Variants in HMCN2 observed in about 807,000 individuals in gnomAD.
HMCN2 encodes hemicentin 2.
HMCN2 carries 325 observed loss-of-function variants against 377.5 expected under a neutral mutation model. That is an observed-to-expected ratio of 0.86 (90% CI 0.79 to 0.94). HMCN2 has a LOEUF of 0.94. Ranked by LOEUF, HMCN2 falls within the 40% of genes least tolerant of loss-of-function variation. The pLI is 0.00. For synonymous variants in HMCN2, 2,007 were observed against 2,046.8 expected (o/e 0.98, Z 0.53); for missense variants, 4,543 against 4,725.3 (o/e 0.96, Z 1.13).
At chr9:130,312,549 T>TTTCTTTCTTTCTTTCTTTCTTTCTTTCC (rs1837312877) in intron 15 of HMCN2, among the ~76,000 whole-genome samples, 1 of 8,218 alleles carries the variant, frequency 1.2e-4, no homozygotes, top group African/African-American at 3.3e-4. Context: ...CCTTTCTTTC[T>TTTCTTTCTTTCTTTCTTTCTTTCTTTCC]TTCTTTCTTT....
In HMCN2 at chr9:130,425,092, G is replaced by T. The variant is rs2131813414; in HGVS notation, c.13603G>T (p.Val4535Phe). Residue 4535 changes from valine to phenylalanine, a missense_variant, in exon 89 of 98, where the codon GTC becomes TTC. Physicochemically the swap from Val to Phe is conservative, Grantham distance 50 (BLOSUM62 -1). Around this residue, in one of 5 missense-constraint regions of HMCN2, gnomAD observed 1,155 missense variants for 1,157.7 expected, o/e 1.00. Coordinates refer to ENST00000683500, the MANE Select transcript of HMCN2 (RefSeq NM_001291815.2). ...CCTCGACGTGGTGGTCAATGGCGTT[G>T]TCCCCGAGAGCCTGGCTGACGCAGA... ...LLLDVVVNGV[V>F]PESLADADLQ... 1.9e-6 allele frequency: 3 copies of T among 1,550,002 alleles called. No individual in the cohort carries two copies. The highest frequency in any genetic ancestry group is 1.7e-4 in the Middle Eastern group (1 of 5,988).
At chr9:130,359,902 T>G (rs73549576) in intron 37 of HMCN2, among the ~76,000 whole-genome samples, 4,140 of 152,250 alleles carry the variant, frequency 0.027, 52 homozygotes, top group Middle Eastern at 0.065. Flanking sequence ...TTGCCCCCTC[T>G]CGTGGGGATG....
chr9:130,351,662 G>C lies in HMCN2; in HGVS notation c.4585+85G>C, dbSNP rs2131525793. ...CTGCCCGCTGCCTTAGAGGGAGAGT[G>C]AGGGCTGAAATGGGGGACCTGGTGA... is the stretch of plus-strand genomic sequence containing the variant. On this transcript the variant is annotated intron_variant, in intron 30 of 97. Transcript: ENST00000683500. The surrounding 1 kb of genome is among the most constrained non-coding windows in gnomAD (Gnocchi z 5.4). 1 of 1,169,478 alleles carries C rather than the reference G, an allele frequency of 8.6e-7. No individual in the cohort carries two copies. Among genetic ancestry groups the C allele is most frequent in the African/African-American group, 1.6e-5 (1 of 62,936 alleles). 72.4% of individuals were successfully genotyped at this position (1,169,478 alleles called of 1,614,324 possible).
chr9:130,325,097 T>C (rs1838060536), intron 19 of HMCN2, among the ~76,000 whole-genome samples: 1 of 6,292 alleles, frequency 1.6e-4, no homozygotes, highest in African/African-American at 3.7e-4. Flanking sequence ...CTTCTTCTTC[T>C]TTTTTTTTTT....
At chr9:130,267,438 AC>A (rs1726937343) in intron 1 of HMCN2, among the ~76,000 whole-genome samples, 1 of 8,342 alleles carries the variant, frequency 1.2e-4, no homozygotes, top group Non-Finnish European at 2.9e-4. Context: ...CAAATAAAAC[AC>A]ACACACACAC....
Position 130,276,041 on chromosome 9 carries a change from CA to C in HMCN2, c.260-8561del, listed in dbSNP as rs1834675022. Reference sequence around the variant, plus strand: ...GGAGGGGTGCTAGAAAGAGATGGCCCAGGGTGCCTGCAGGGGGAGGACCAGA... The same window carrying C: ...GGAGGGGTGCTAGAAAGAGATGGCCCGGGTGCCTGCAGGGGGAGGACCAGA... On this transcript the variant is annotated intron_variant, in intron 1 of 97. Transcript: ENST00000683500. Among the ~76,000 whole-genome samples, 4 of 131,304 alleles carry C rather than the reference CA, an allele frequency of 3.0e-5. No homozygotes were observed. In the East Asian group the frequency reaches 9.8e-4, roughly 32 times the overall value. The allele number at this position is 131,304 out of a possible 152,430, so 86.1% of individuals were successfully genotyped here. A position where few individuals can be genotyped will look rare whatever the true frequency, so the allele number is the denominator to read the frequency against.
intron 56 of HMCN2, 97 bp from the exon 57 acceptor site, chr9:130,383,407 G>C: frequency 2.2e-6 from 1 of 455,752 alleles, no homozygotes; most frequent in Non-Finnish European, 2.9e-6. Flanking sequence ...CTGCTTCCCT[G>C]GCATGGGATG....
chr9:130,384,808 T>TGTCTGTCCCCAACTTGTACTGTCCCC lies in HMCN2; in HGVS notation c.9106+11_9106+36dup. 1 of 1,298,458 alleles carries TGTCTGTCCCCAACTTGTACTGTCCCC rather than the reference T, an allele frequency of 7.7e-7. No homozygotes were observed. The highest frequency in any genetic ancestry group is 1.0e-6 in the Non-Finnish European group (1 of 984,678). The allele number at this position is 1,298,458 out of a possible 1,614,324, so 80.4% of individuals were successfully genotyped here. A position where few individuals can be genotyped will look rare whatever the true frequency, so the allele number is the denominator to read the frequency against. On this transcript the variant is annotated intron_variant, in intron 59 of 97. Coordinates refer to ENST00000683500, the MANE Select transcript of HMCN2 (RefSeq NM_001291815.2). The stretch of plus-strand genomic sequence containing the variant: ...CAGCTCAGTGTTCTGGGTATGTCCA[T>TGTCTGTCCCCAACTTGTACTGTCCCC]GTCTGTCCCCAACTTGTACTGTCCC...
chr9:130,433,594 C>T lies in HMCN2; in HGVS notation c.15141C>T (p.Leu5047=), dbSNP rs1844905658. ...GLGAVYTRRA[L]TRAGLYRLTV... Reference sequence around the variant, plus strand: ...GCGCGGTCTACACCCGTCGCGCGCTCACCCGCGCCGGCCTCTACCGGCTCA... The same window carrying T: ...GCGCGGTCTACACCCGTCGCGCGCTTACCCGCGCCGGCCTCTACCGGCTCA... The change falls in exon 98 of 98, where the codon CTC becomes CTT. Residue 5047 remains leucine (L), a synonymous_variant. Transcript: ENST00000683500. The T allele has an allele frequency of 9.9e-6, 15 of 1,511,442 alleles. No homozygotes were observed. The highest frequency in any genetic ancestry group is 2.2e-5 in the Admixed American group (1 of 45,214). 93.6% of individuals were successfully genotyped at this position (1,511,442 alleles called of 1,614,324 possible).
At position 130,408,837 on chromosome 9, in the gene HMCN2, G is replaced by A. The variant is rs997301796; in HGVS notation, c.12783G>A (p.Val4261=). ...ACTGTGTGGTGCGTGGAGACCCAGT[G>A]CCGGACATCCACTGGATCAAAGATG... ...QLDCVVRGDP[V]PDIHWIKDGL... is the part of the protein sequence containing the mutation. Residue 4261 remains valine (V), a synonymous_variant, in exon 84 of 98, where the codon GTG becomes GTA. Transcript: ENST00000683500. 7.8e-6 allele frequency: 10 copies of A among 1,289,690 alleles called. No individual in the cohort carries two copies. The African/African-American group carries it at 1.4e-4, about 18-fold the overall frequency. 79.9% of individuals were successfully genotyped at this position (1,289,690 alleles called of 1,614,324 possible). A position where few individuals can be genotyped will look rare whatever the true frequency, so the allele number is the denominator to read the frequency against.
chr9:130,419,360 G>A (rs1022561381), intron 86 of HMCN2: 3 of 231,380 alleles, frequency 1.3e-5, no homozygotes, highest in Non-Finnish European at 2.5e-5. Flanking sequence ...CATCCCCGGT[G>A]CCCTCGGGGG....
Position 130,365,704 on chromosome 9 carries a change from A to G in HMCN2, c.6482A>G (p.Lys2161Arg). The change falls in exon 42 of 98, where the codon AAA becomes AGA. Residue 2161 changes from lysine (K) to arginine (R), a missense_variant. Around this residue, in one of 5 missense-constraint regions of HMCN2, gnomAD observed 1,032 missense variants for 1,285.1 expected, o/e 0.80. Transcript: ENST00000683500. Reference protein sequence around the residue: ...EALNQAGHSEKHYNLNVWVAP... With the variant: ...EALNQAGHSERHYNLNVWVAP... ...CTGAACCAGGCCGGCCACTCAGAGA[A>G]ACACTACAATCTGAACGTCTGGGGT... The G allele has an allele frequency of 6.1e-6, 6 of 985,934 alleles. No homozygotes were observed. Among genetic ancestry groups the G allele is most frequent in the Non-Finnish European group, 7.2e-6 (6 of 829,964 alleles). 61.1% of individuals were successfully genotyped at this position (985,934 alleles called of 1,614,324 possible).
chr9:130,280,069 C>T (rs115577063), intron 1 of HMCN2, among the ~76,000 whole-genome samples: 3,063 of 152,098 alleles, frequency 0.02, 105 homozygotes, highest in African/African-American at 0.07. Flanking sequence ...AACTGATCCT[C>T]CCCTAAAACC....
At chr9:130,315,191 TCCCTCCCCTCCCTC>T (rs1278847204) in intron 15 of HMCN2, among the ~76,000 whole-genome samples, 6 of 5,484 alleles carry the variant, frequency 1.1e-3, no homozygotes, top group African/African-American at 1.8e-3. Context: ...CCTTCCTCCC[TCCCTCCCCTCCCTC>T]CCCTCCCCTC....
At chr9:130,278,270 G>A (rs1292525373) in intron 1 of HMCN2, among the ~76,000 whole-genome samples, 8 of 151,370 alleles carry the variant, frequency 5.3e-5, no homozygotes, top group East Asian at 2.0e-4. Context: ...GACTACAGGC[G>A]CCCACCACCA....
At chr9:130,382,402 G>A (rs1455727621) in intron 55 of HMCN2, 105 bp downstream of exon 55, 3 of 407,984 alleles carry the variant, frequency 7.4e-6, no homozygotes, top group East Asian at 3.2e-4. Flanking sequence ...GCTGTACTCA[G>A]AGGTTGAAAT....
At chr9:130,300,895 G>A (rs913232941) in intron 8 of HMCN2, among the ~76,000 whole-genome samples, 1 of 152,248 alleles carries the variant, frequency 6.6e-6, no homozygotes, top group African/African-American at 2.4e-5. Context: ...TGGCCATCTG[G>A]CTTCCTTGCT....
In HMCN2 at chr9:130,430,452, G is replaced by A. The variant is rs1359633528; in HGVS notation, c.14495G>A (p.Gly4832Asp). ...GQNVTTVSHR[G>D]PLLPWLRPWA... ...AATGTGACCACCGTCAGCCACCGAGGCCCTCTATTGCCCTGGCTGCGGCCC... is the reference window on the plus strand; with the variant it reads ...AATGTGACCACCGTCAGCCACCGAGACCCTCTATTGCCCTGGCTGCGGCCC... The change falls in exon 95 of 98, where the codon GGC (glycine) becomes GAC (aspartate). Residue 4832 changes from glycine to aspartate, a missense_variant. By Grantham distance (94) the Gly-to-Asp change is moderately conservative. Coordinates refer to ENST00000683500, the MANE Select transcript of HMCN2 (RefSeq NM_001291815.2). The A allele has an allele frequency of 1.2e-5, 18 of 1,550,468 alleles. No homozygotes were observed. Among genetic ancestry groups the A allele is most frequent in the Non-Finnish European group, 1.5e-5 (17 of 1,146,986 alleles).
At chr9:130,356,345 C>A in intron 34 of HMCN2, 88 bp downstream of exon 34, 1 of 1,181,968 alleles carries the variant, frequency 8.5e-7, no homozygotes, top group Non-Finnish European at 1.1e-6. Context: ...CCTGGAAGGG[C>A]ACGGGGCTGG....
Sources: gnomAD v4.1 joint callset for allele counts (sites outside exome capture counted in the v4.1 genomes callset) on GRCh38, gnomAD v4.1.1 for gene constraint, gnomAD v4.1.1 regional missense constraint, Gnocchi (gnomAD v3.1) non-coding constraint, MANE v1.5 for transcripts, NCBI Gene and HGNC (gene_info 2026-07-23, HGNC 2026-07-21) for gene names.